NCKAP5: variants seen among roughly 807,000 people sequenced by gnomAD.
NCKAP5 encodes nck-associated protein 5.
NCKAP5 carries 92 observed loss-of-function variants against 167.0 expected under a neutral mutation model. The observed-to-expected ratio is 0.55, with a 90% CI of 0.47 to 0.66. The LOEUF (loss-of-function observed/expected upper bound fraction) is 0.66, where lower values mean the gene tolerates loss of function less well. NCKAP5 is among the 30% of genes least tolerant of loss of function. The probability of loss-of-function intolerance (pLI) is 0.00; values close to 1 mark genes in which losing one functional copy is unlikely to be tolerated. For synonymous variants in NCKAP5, 891 were observed against 877.4 expected (o/e 1.02, Z -0.27); for missense variants, 2,378 against 2,315.0 (o/e 1.03, Z -0.56).
chr2:133,579,530 G>A, the NCKAP5 span, among the ~76,000 whole-genome samples: 2 of 152,170 alleles, frequency 1.3e-5, no homozygotes, highest in Admixed American at 6.5e-5. Context: ...CTTTTGCAGG[G>A]CAGGAGGCCA....
At chr2:133,632,146 G>A in the NCKAP5 span, among the ~76,000 whole-genome samples, 1 of 152,330 alleles carries the variant, frequency 6.6e-6, no homozygotes, top group African/African-American at 2.4e-5. Flanking sequence ...GTTCACCAGG[G>A]GGAGGACTAG....
chr2:133,672,592 G>C, the NCKAP5 span, among the ~76,000 whole-genome samples: 2 of 152,138 alleles, frequency 1.3e-5, no homozygotes, highest in Non-Finnish European at 2.9e-5. Flanking sequence ...TTCCTTTAAA[G>C]AACCCAATAG....
At chr2:133,447,621 TTTCCCC>T (rs1158953288) in intron 3 of NCKAP5, among the ~76,000 whole-genome samples, 3 of 143,404 alleles carry the variant, frequency 2.1e-5, no homozygotes, top group African/African-American at 5.1e-5. Flanking sequence ...GTTCCCTTCC[TTTCCCC>T]TTCCCCTTCC....
At chr2:133,520,793 C>T (rs1684408581) in intron 2 of NCKAP5, among the ~76,000 whole-genome samples, 1 of 152,090 alleles carries the variant, frequency 6.6e-6, no homozygotes, top group East Asian at 1.9e-4. Flanking sequence ...ATAATATAGG[C>T]AGATATAATA....
At chr2:133,439,308 C>G (rs1250878986) in intron 3 of NCKAP5, among the ~76,000 whole-genome samples, 1 of 152,112 alleles carries the variant, frequency 6.6e-6, no homozygotes, top group Non-Finnish European at 1.5e-5. Context: ...TCTTTGGTTT[C>G]TTATTAAAGA....
chr2:132,788,489 G>A lies in NCKAP5; in HGVS notation c.1092+1534C>T, dbSNP rs1244217079. 2.0e-5 allele frequency among the ~76,000 whole-genome samples: 3 copies of A among 152,284 alleles called. No homozygotes were observed. The East Asian group carries it at 5.8e-4, about 29-fold the overall frequency. ...CTGGCGCCTGGCTCTGCCATGTACTGCCTGTGGCATCTTGGTTCAGTTATT... is the reference window on the plus strand; with the variant it reads ...CTGGCGCCTGGCTCTGCCATGTACTACCTGTGGCATCTTGGTTCAGTTATT... On this transcript the variant is annotated intron_variant, in intron 13 of 19. Transcript: ENST00000409261.
the NCKAP5 span, among the ~76,000 whole-genome samples, chr2:133,611,168 T>C: frequency 6.6e-6 from 1 of 152,256 alleles, no homozygotes; most frequent in South Asian, 2.1e-4. Flanking sequence ...GTGAAGTGTT[T>C]CTCTTTTCTG....
In NCKAP5 at chr2:133,219,876, T is replaced by C. The variant is rs182096789; in HGVS notation, c.144-6097A>G. Among the ~76,000 whole-genome samples the C allele has an allele frequency of 2.6e-3, 403 of 152,296 alleles. 1 individual carries two copies. Among genetic ancestry groups the C allele is most frequent in the South Asian group, 5.4e-3 (26 of 4,828 alleles). ...TTATTTCTGGAATCAAATTATCAAC[T>C]CAATCAAAATATTAAAAATAAATGG... is the stretch of plus-strand genomic sequence containing the variant. On this transcript the variant is annotated intron_variant, in intron 4 of 19. Coordinates refer to ENST00000409261, the MANE Select transcript of NCKAP5 (RefSeq NM_207363.3).
chr2:133,031,873 T>C (rs1290588815), intron 6 of NCKAP5, among the ~76,000 whole-genome samples: 1 of 152,030 alleles, frequency 6.6e-6, no homozygotes, highest in East Asian at 1.9e-4. Flanking sequence ...CCAGGAAGGA[T>C]CCCACTGCCT....
chr2:133,203,759 A>G (rs983957938), intron 5 of NCKAP5, among the ~76,000 whole-genome samples: 1 of 152,140 alleles, frequency 6.6e-6, no homozygotes, highest in Non-Finnish European at 1.5e-5. Flanking sequence ...AAAGAATACG[A>G]TCTTTGGGAA....
intron 16 of NCKAP5, among the ~76,000 whole-genome samples, chr2:132,759,480 T>C (rs987765874): frequency 6.6e-6 from 1 of 152,160 alleles, no homozygotes; most frequent in Non-Finnish European, 1.5e-5. Flanking sequence ...ATATTTTTCC[T>C]TAATACTTGT....
chr2:132,712,748 C>A (rs1305874003), intron 19 of NCKAP5, among the ~76,000 whole-genome samples: 4 of 152,182 alleles, frequency 2.6e-5, no homozygotes, highest in African/African-American at 9.7e-5. Context: ...ATTCAGTAAG[C>A]ACTTACCATG....
chr2:133,265,349 C>CTGAG (rs1559332941), intron 4 of NCKAP5, among the ~76,000 whole-genome samples: 1 of 152,096 alleles, frequency 6.6e-6, no homozygotes, highest in Admixed American at 6.5e-5. Context: ...AGCACTTAAC[C>CTGAG]TGAGATGAGG....
intron 5 of NCKAP5, among the ~76,000 whole-genome samples, chr2:133,135,021 A>T (rs1427307945): frequency 6.6e-6 from 1 of 152,196 alleles, no homozygotes; most frequent in African/African-American, 2.4e-5. Context: ...TGAACTAGAG[A>T]TGGAAACCAA....
intron 11 of NCKAP5, among the ~76,000 whole-genome samples, chr2:132,809,982 A>T (rs1685734283): frequency 6.6e-6 from 1 of 152,128 alleles, no homozygotes; most frequent in Non-Finnish European, 1.5e-5. Context: ...TGGCTTACTG[A>T]TGGCAAATTA....
intron 19 of NCKAP5, among the ~76,000 whole-genome samples, chr2:132,713,704 A>G (rs1010058568): frequency 1.1e-5 from 1 of 94,420 alleles, no homozygotes; most frequent in Admixed American, 1.1e-4. Context: ...TAAGACAGAA[A>G]GGGCCAAACA....
chr2:133,542,535 G>A (rs1243538655), intron 2 of NCKAP5, among the ~76,000 whole-genome samples: 1 of 152,138 alleles, frequency 6.6e-6, no homozygotes, highest in African/African-American at 2.4e-5. Flanking sequence ...TAGCCTTCAA[G>A]TAGCAAACCT....
intron 9 of NCKAP5, among the ~76,000 whole-genome samples, chr2:132,872,626 A>G (rs776591841): frequency 1.3e-5 from 2 of 152,198 alleles, no homozygotes; most frequent in African/African-American, 2.4e-5. Context: ...TCCATGCTCT[A>G]TGCTTTGACA....
intron 6 of NCKAP5, among the ~76,000 whole-genome samples, chr2:133,016,843 G>T (rs1247857985): frequency 2.0e-5 from 3 of 152,110 alleles, no homozygotes; most frequent in Admixed American, 6.6e-5. Flanking sequence ...TTTTGATGGG[G>T]AATTAATAGA....
Sources: gnomAD v4.1 joint callset for allele counts (sites outside exome capture counted in the v4.1 genomes callset) on GRCh38, gnomAD v4.1.1 for gene constraint, MANE v1.5 for transcripts, NCBI Gene and HGNC (gene_info 2026-07-23, HGNC 2026-07-21) for gene names.